FHIT: variants seen among roughly 807,000 people sequenced by gnomAD.
FHIT encodes the protein fragile histidine triad diadenosine triphosphatase, also known as bis(5'-adenosyl)-triphosphatase.
Under a neutral mutation model 17.9 loss-of-function variants are expected in FHIT, and 19 were observed. That is an observed-to-expected ratio of 1.06 (90% CI 0.74 to 1.56). FHIT has a LOEUF of 1.56. Ranked by LOEUF, FHIT falls within the 40% of genes most tolerant of loss-of-function variation. The pLI is 0.00. For missense variants in FHIT, 248 were observed against 189.2 expected, an observed-to-expected ratio of 1.31 and a Z score of -1.82; for synonymous variants, 81 against 69.7, an observed-to-expected ratio of 1.16 and a Z score of -0.81.
At chr3:59,818,664 C>T (rs1035222960) in intron 8 of FHIT, among the ~76,000 whole-genome samples, 1 of 152,106 alleles carries the variant, frequency 6.6e-6, no homozygotes, top group African/African-American at 2.4e-5. Context: ...CTGTGAGCAC[C>T]GCAGATGTAA....
At chr3:60,766,796 G>C (rs1253999669) in intron 4 of FHIT, among the ~76,000 whole-genome samples, 4 of 152,172 alleles carry the variant, frequency 2.6e-5, no homozygotes, top group Non-Finnish European at 4.4e-5. Flanking sequence ...GTATATGCCA[G>C]GTACTGGGCT....
At chr3:60,858,675 G>A (rs185236477) in intron 3 of FHIT, among the ~76,000 whole-genome samples, 1 of 152,196 alleles carries the variant, frequency 6.6e-6, no homozygotes, top group East Asian at 1.9e-4. Context: ...ATGACACAAG[G>A]CTCACCACTA....
At chr3:60,102,228 G>A (rs533655825) in intron 5 of FHIT, among the ~76,000 whole-genome samples, 15 of 152,202 alleles carry the variant, frequency 9.9e-5, no homozygotes, top group African/African-American at 3.6e-4. Context: ...CAATCACTAC[G>A]CTCAGTATAG....
chr3:59,800,986 A>C (rs952992451), intron 8 of FHIT, among the ~76,000 whole-genome samples: 1 of 152,184 alleles, frequency 6.6e-6, no homozygotes, highest in African/African-American at 2.4e-5. Context: ...CATCGCAAAG[A>C]GTTGTTGTAC....
At chr3:60,680,785 T>C (rs1319341750) in intron 4 of FHIT, among the ~76,000 whole-genome samples, 1 of 152,174 alleles carries the variant, frequency 6.6e-6, no homozygotes, top group Non-Finnish European at 1.5e-5. Flanking sequence ...CATCATACCA[T>C]CAGTGTGAGC....
At chr3:60,350,391 G>C (rs968647880) in intron 5 of FHIT, among the ~76,000 whole-genome samples, 4 of 152,158 alleles carry the variant, frequency 2.6e-5, no homozygotes, top group Non-Finnish European at 5.9e-5. Flanking sequence ...TAGAAGGGTA[G>C]AGCTCCAAAC....
chr3:59,933,988 T>C (rs1414295359), intron 7 of FHIT, among the ~76,000 whole-genome samples: 1 of 152,100 alleles, frequency 6.6e-6, no homozygotes, highest in African/African-American at 2.4e-5. Context: ...AGAAATACTT[T>C]AGACTAAAAC....
chr3:60,266,103 A>C (rs1010669408), intron 5 of FHIT, among the ~76,000 whole-genome samples: 3 of 152,090 alleles, frequency 2.0e-5, no homozygotes, highest in African/African-American at 4.8e-5. Flanking sequence ...TTCTATATGA[A>C]TGTTTATAAC....
At chr3:60,963,865 T>G (rs2107506240) in intron 3 of FHIT, among the ~76,000 whole-genome samples, 1 of 152,320 alleles carries the variant, frequency 6.6e-6, no homozygotes. Context: ...GTGGTCAGTT[T>G]TGGAATAAGT....
At position 61,209,626 on chromosome 3, in the gene FHIT, C is replaced by T. The variant is rs1187425392; in HGVS notation, c.-212-8961G>A. 5.9e-5 allele frequency among the ~76,000 whole-genome samples: 9 copies of T among 152,094 alleles called. No homozygotes were observed. In the South Asian group the frequency reaches 6.2e-4, roughly 11 times the overall value. On this transcript the variant is annotated intron_variant, in intron 1 of 9. Transcript: ENST00000492590. ...CATCGGCTACTGAGGCTTGTGCGTT[C>T]GTCACGTGGTTCTCGTGCCTTGGTT...
At chr3:60,019,415 C>CCTTTTTTTTTTTTTTTTTTTTTTTTTTT (rs1369483172) in intron 5 of FHIT, among the ~76,000 whole-genome samples, 1 of 121,094 alleles carries the variant, frequency 8.3e-6, no homozygotes, top group African/African-American at 3.1e-5. Flanking sequence ...TGAGATGCTC[C>CCTTTTTTTTTTTTTTTTTTTTTTTTTTT]TTTTTTTTTT....
intron 5 of FHIT, among the ~76,000 whole-genome samples, chr3:60,363,662 G>A (rs928020696): frequency 1.3e-5 from 2 of 152,088 alleles, no homozygotes; most frequent in South Asian, 4.1e-4. Flanking sequence ...CCTCTGCGCT[G>A]TGTATCTCCT....
rs772698136 is a variant in FHIT, at chr3:60,067,604, C to T, written c.104-53452G>A. ...TCATCACAGCTTAACTTATCAATTG[C>T]CATTGTTGTTTGGTGGATATTGATC... On this transcript the variant is annotated intron_variant, in intron 5 of 9. Transcript: ENST00000492590. Among the ~76,000 whole-genome samples, 136 of 152,162 alleles carry T rather than the reference C, an allele frequency of 8.9e-4. 1 individual carries two copies. Among genetic ancestry groups the T allele is most frequent in the Non-Finnish European group, 8.5e-4 (58 of 68,026 alleles).
rs1705519325 is a variant in FHIT at position 60,891,591 on chromosome 3, T to A, written c.-110-69580A>T. Among the ~76,000 whole-genome samples, 3 of 152,300 alleles carry A rather than the reference T, an allele frequency of 2.0e-5. No homozygotes were observed. The South Asian group carries it at 6.2e-4, about 32-fold the overall frequency. ...CTGGATCCAGCAGTTCTAGAAGTCA[T>A]ACGTGTCTATATTTTTTCAGTATAT... On this transcript the variant is annotated intron_variant, in intron 3 of 9. Coordinates refer to ENST00000492590, the MANE Select transcript of FHIT (RefSeq NM_002012.4).
intron 8 of FHIT, among the ~76,000 whole-genome samples, chr3:59,805,016 C>T (rs1045610709): frequency 2.0e-5 from 3 of 152,172 alleles, no homozygotes; most frequent in South Asian, 2.1e-4. Context: ...GGAGCTAAGG[C>T]GGCCATTCTG....
chr3:60,859,272 C>T (rs1703515287), intron 3 of FHIT, among the ~76,000 whole-genome samples: 1 of 152,144 alleles, frequency 6.6e-6, no homozygotes, highest in Non-Finnish European at 1.5e-5. Context: ...AGGTATTCAA[C>T]CTTTTTGAGT....
At chr3:60,399,426 T>C (rs935371709) in intron 5 of FHIT, among the ~76,000 whole-genome samples, 1 of 152,140 alleles carries the variant, frequency 6.6e-6, no homozygotes, top group African/African-American at 2.4e-5. Context: ...ATTTGCTGTC[T>C]CCCATAATGA....
At chr3:61,093,493 A>G (rs772276267) in intron 2 of FHIT, among the ~76,000 whole-genome samples, 1 of 152,228 alleles carries the variant, frequency 6.6e-6, no homozygotes, top group Non-Finnish European at 1.5e-5. Context: ...CAAAATGCCA[A>G]TAATGCCAAG....
intron 5 of FHIT, among the ~76,000 whole-genome samples, chr3:60,497,244 G>T (rs1272756785): frequency 6.6e-6 from 1 of 152,156 alleles, no homozygotes. Context: ...GGTTGAGAAA[G>T]GCAGCCCTAA....
Sources: allele counts gnomAD v4.1 joint callset (sites outside exome capture counted in the v4.1 genomes callset), GRCh38; gene constraint gnomAD v4.1.1; transcripts MANE v1.5; gene names NCBI Gene and HGNC (gene_info 2026-07-23, HGNC 2026-07-21).